The following LRP1B variants were observed in gnomAD, a reference collection of about 807,000 sequenced individuals.
LRP1B encodes low-density lipoprotein receptor-related protein 1B.
In LRP1B, 217 loss-of-function variants were observed where a neutral mutation model predicts 556.6. That is an observed-to-expected ratio of 0.39 (90% CI 0.35 to 0.44). The LOEUF (loss-of-function observed/expected upper bound fraction) is 0.44. Ranked by LOEUF, LRP1B falls within the 20% of genes least tolerant of loss-of-function variation. The probability of loss-of-function intolerance (pLI) is 1.00; values close to 1 mark genes in which losing one functional copy is unlikely to be tolerated. For synonymous variants in LRP1B, 2,047 were observed against 1,865.8 expected (o/e 1.10, Z -2.50); for missense variants, 5,053 against 5,620.8 (o/e 0.90, Z 3.23).
chr2:140,526,441 T>G, intron 47 of LRP1B, 91 bp from the exon 48 acceptor site: 2 of 904,836 alleles, frequency 2.2e-6, no homozygotes, highest in South Asian at 3.3e-5. Context: ...TTTATATAAT[T>G]TTGTTTGGTT....
intron 86 of LRP1B, among the ~76,000 whole-genome samples, chr2:140,248,698 G>T (rs1430945814): frequency 6.6e-6 from 1 of 151,306 alleles, no homozygotes; most frequent in African/African-American, 2.4e-5. Context: ...TGTGGTATTT[G>T]CAGATGAATG....
At chr2:141,983,008 GA>G (rs1246511573) in intron 1 of LRP1B, among the ~76,000 whole-genome samples, 2 of 152,128 alleles carry the variant, frequency 1.3e-5, no homozygotes, top group East Asian at 3.9e-4. Context: ...AGTTTGAAGA[GA>G]AAAAATATAA....
chr2:140,835,689 C>T (rs566355750), intron 31 of LRP1B, among the ~76,000 whole-genome samples: 1 of 152,244 alleles, frequency 6.6e-6, no homozygotes, highest in East Asian at 1.9e-4. Flanking sequence ...AGGCGCTCGC[C>T]ACCACGTCTG....
intron 2 of LRP1B, among the ~76,000 whole-genome samples, chr2:141,748,465 C>A (rs13391850): frequency 1.3e-5 from 2 of 152,142 alleles, no homozygotes; most frequent in African/African-American, 4.8e-5. Flanking sequence ...ATAAGTGTAG[C>A]TTCTTCCTCT....
At chr2:140,518,983 A>T (rs1177274120) in intron 49 of LRP1B, among the ~76,000 whole-genome samples, 4 of 152,176 alleles carry the variant, frequency 2.6e-5, no homozygotes, top group African/African-American at 9.6e-5. Flanking sequence ...ATGGAAGAAC[A>T]GTCCATGCTT....
At chr2:141,043,043 A>T (rs1272841652) in intron 11 of LRP1B, among the ~76,000 whole-genome samples, 1 of 149,344 alleles carries the variant, frequency 6.7e-6, no homozygotes, top group African/African-American at 2.4e-5. Context: ...AATACAAAAA[A>T]AAAAAAAAAA....
At chr2:140,517,658 A>G (rs538472547) in intron 49 of LRP1B, among the ~76,000 whole-genome samples, 3 of 150,790 alleles carry the variant, frequency 2.0e-5, no homozygotes, top group Non-Finnish European at 4.4e-5. Flanking sequence ...ATGGAGTATT[A>G]TCATTATTTT....
chr2:141,095,368 G>A (rs1401539685), intron 7 of LRP1B, among the ~76,000 whole-genome samples: 1 of 57,704 alleles, frequency 1.7e-5, no homozygotes, highest in Non-Finnish European at 4.9e-5. Context: ...AACAATGTGA[G>A]TTACCAAAAA....
At chr2:141,084,721 C>G (rs1427568837) in intron 7 of LRP1B, among the ~76,000 whole-genome samples, 1 of 151,202 alleles carries the variant, frequency 6.6e-6, no homozygotes. Flanking sequence ...GCGATCTCGG[C>G]TCACTGCAAG....
intron 1 of LRP1B, among the ~76,000 whole-genome samples, chr2:141,845,440 C>T (rs990479070): frequency 5.3e-5 from 8 of 151,732 alleles, no homozygotes; most frequent in African/African-American, 1.9e-4. Flanking sequence ...AATAATTTTC[C>T]GCAAGATAAT....
At chr2:141,891,868 A>G (rs1011507093) in intron 1 of LRP1B, among the ~76,000 whole-genome samples, 5 of 152,024 alleles carry the variant, frequency 3.3e-5, no homozygotes, top group Admixed American at 6.6e-5. Flanking sequence ...ATACTTTAAT[A>G]TTTTTTTCTG....
chr2:141,037,067 G>C (rs1172578965), intron 11 of LRP1B, among the ~76,000 whole-genome samples: 3 of 151,952 alleles, frequency 2.0e-5, no homozygotes, highest in Admixed American at 6.6e-5. Context: ...TTAGTAACAG[G>C]TCACAGCATT....
chr2:142,007,799 A>G (rs1283933770), intron 1 of LRP1B, among the ~76,000 whole-genome samples: 1 of 152,182 alleles, frequency 6.6e-6, no homozygotes, highest in Non-Finnish European at 1.5e-5. Context: ...CAAACAGACA[A>G]GGGTATATTC....
chr2:141,388,776 A>G (rs1286381875), intron 3 of LRP1B, among the ~76,000 whole-genome samples: 1 of 152,198 alleles, frequency 6.6e-6, no homozygotes, highest in Non-Finnish European at 1.5e-5. Context: ...GAATTCACAA[A>G]AAATTACTAG....
At chr2:140,324,838 A>G (rs1013420345) in intron 80 of LRP1B, among the ~76,000 whole-genome samples, 19 of 150,132 alleles carry the variant, frequency 1.3e-4, no homozygotes, top group African/African-American at 3.9e-4. Flanking sequence ...AGAACAAGTT[A>G]ACTTCATTGT....
At chr2:141,048,246 T>C (rs1158305460) in intron 11 of LRP1B, among the ~76,000 whole-genome samples, 7 of 152,102 alleles carry the variant, frequency 4.6e-5, no homozygotes, top group Non-Finnish European at 1.0e-4. Flanking sequence ...GAATCATTAG[T>C]TAACATGCCT....
At chr2:141,292,015 G>T (rs1685987508) in intron 3 of LRP1B, among the ~76,000 whole-genome samples, 1 of 152,204 alleles carries the variant, frequency 6.6e-6, no homozygotes, top group African/African-American at 2.4e-5. Context: ...CCAGTCCGTG[G>T]CCTGTTAGGA....
At chr2:140,289,307 TCTAA>T (rs897075452) in intron 84 of LRP1B, among the ~76,000 whole-genome samples, 2 of 152,042 alleles carry the variant, frequency 1.3e-5, no homozygotes, top group African/African-American at 4.8e-5. Context: ...GTCCGCTTTA[TCTAA>T]CTTTTACTCT....
intron 33 of LRP1B, among the ~76,000 whole-genome samples, chr2:140,772,630 C>A (rs1175250483): frequency 6.6e-6 from 1 of 152,066 alleles, no homozygotes; most frequent in Non-Finnish European, 1.5e-5. Flanking sequence ...TAGTTATATA[C>A]TGACAATCTA....
Sources: gnomAD v4.1 joint callset for allele counts (sites outside exome capture counted in the v4.1 genomes callset) on GRCh38, gnomAD v4.1.1 for gene constraint, MANE v1.5 for transcripts, NCBI Gene and HGNC (gene_info 2026-07-23, HGNC 2026-07-21) for gene names.